The following WDR47 variants were observed in gnomAD, a reference collection of about 807,000 sequenced individuals.
The protein encoded by WDR47 is WD repeat-containing protein 47.
A neutral mutation model predicts 97.2 loss-of-function variants in WDR47; 32 were observed. The observed-to-expected ratio is 0.33, with a 90% CI of 0.25 to 0.44. The LOEUF (loss-of-function observed/expected upper bound fraction) is 0.44. Among genes scored for constraint, WDR47 ranks in the 20% least tolerant of loss-of-function variants. The pLI, the probability that WDR47 is intolerant of heterozygous loss-of-function variation, is 1.00. For missense variants in WDR47, 782 were observed against 1,102.3 expected (o/e 0.71, Z 4.11); for synonymous variants, 375 against 373.5 (o/e 1.00, Z -0.05).
At chr1:109,024,449 T>A (rs559229271) in intron 1 of WDR47, among the ~76,000 whole-genome samples, 3 of 151,256 alleles carry the variant, frequency 2.0e-5, no homozygotes, top group Admixed American at 6.6e-5. Flanking sequence ...TTAGACTCCG[T>A]CTCAAAAAAA....
At chr1:108,997,094 C>T (rs1202413051) in intron 7 of WDR47, among the ~76,000 whole-genome samples, 4 of 149,864 alleles carry the variant, frequency 2.7e-5, no homozygotes, top group Non-Finnish European at 4.4e-5. Flanking sequence ...CCAGCCTGGG[C>T]GACAGAGCAA....
intron 5 of WDR47, among the ~76,000 whole-genome samples, chr1:109,006,319 G>A (rs1660614697): frequency 1.3e-5 from 2 of 152,200 alleles, no homozygotes; most frequent in South Asian, 2.1e-4. Context: ...CTTGAACCCG[G>A]GAGGCGGAGG....
intron 14 of WDR47, among the ~76,000 whole-genome samples, chr1:108,972,307 G>A (rs544668190): frequency 1.3e-5 from 2 of 152,028 alleles, no homozygotes; most frequent in South Asian, 4.2e-4. Flanking sequence ...CCTAGTCCAA[G>A]CCACCATCAT....
At position 108,971,590 on chromosome 1, in the gene WDR47, T is replaced by C; in HGVS notation, c.2618-18A>G. ...GAGGTCCCCTAAATTACAAAAGAGATGTTGATTTACAATGCAAAATAAGTA... is the reference window on the plus strand; with the variant it reads ...GAGGTCCCCTAAATTACAAAAGAGACGTTGATTTACAATGCAAAATAAGTA... On this transcript the variant is annotated intron_variant, in intron 14 of 14. Coordinates refer to ENST00000369962, the MANE Select transcript of WDR47 (RefSeq NM_001142551.2). 23 of 1,614,006 alleles carry C rather than the reference T, an allele frequency of 1.4e-5. No individual in the cohort carries two copies. Among genetic ancestry groups the C allele is most frequent in the Non-Finnish European group, 1.9e-5 (23 of 1,179,942 alleles).
rs751180197 is a variant in WDR47 at position 109,023,507 on chromosome 1, C to T, written c.6G>A (p.Thr2=). 3.1e-6 allele frequency: 5 copies of T among 1,611,620 alleles called. No homozygotes were observed. The highest frequency in any genetic ancestry group is 1.7e-4 in the Middle Eastern group (1 of 6,046). M[T]AEETVNVKEV... Reference sequence around the variant, plus strand: ...CTTTTACATTCACTGTTTCTTCAGCCGTCATATTGATAGCCTAAATATGAA... The same window carrying T: ...CTTTTACATTCACTGTTTCTTCAGCTGTCATATTGATAGCCTAAATATGAA... Residue 2 remains threonine (T), a synonymous_variant, in exon 2 of 15, where the codon ACG becomes ACA. Transcript: ENST00000369962.
chr1:108,972,605 T>G (rs1657543989), intron 14 of WDR47, among the ~76,000 whole-genome samples: 1 of 152,172 alleles, frequency 6.6e-6, no homozygotes, highest in Non-Finnish European at 1.5e-5. Context: ...CTCTCAATTT[T>G]GCTGTTAACC....
At position 108,971,196 on chromosome 1, in the gene WDR47, T is replaced by C; in HGVS notation, c.*234A>G. ...CAACTGAAGAGCTCTTCTGCAGACT[T>C]TGGCAACGAGACTACATATAGCAGG... On this transcript the variant is annotated 3_prime_UTR_variant, in exon 15 of 15. Transcript: ENST00000369962. The C allele has an allele frequency of 2.2e-6, 1 of 464,860 alleles. No homozygotes were observed. The highest frequency in any genetic ancestry group is 3.8e-6 in the Non-Finnish European group (1 of 264,224). 28.8% of individuals were successfully genotyped at this position (464,860 alleles called of 1,614,324 possible). A position where few individuals can be genotyped will look rare whatever the true frequency, so the allele number is the denominator to read the frequency against.
chr1:109,018,310 G>C (rs935485020), intron 2 of WDR47, among the ~76,000 whole-genome samples: 1 of 151,530 alleles, frequency 6.6e-6, no homozygotes, highest in Non-Finnish European at 1.5e-5. Flanking sequence ...TTAGCTGGCC[G>C]TGGTGGCGGG....
At chr1:108,984,159 G>A (rs915965074) in intron 10 of WDR47, among the ~76,000 whole-genome samples, 1 of 152,196 alleles carries the variant, frequency 6.6e-6, no homozygotes, top group African/African-American at 2.4e-5. Flanking sequence ...TGTGGTGGGT[G>A]AGGCACTGCA....
intron 12 of WDR47, 106 bp downstream of exon 12, chr1:108,982,503 G>A (rs1658424368): frequency 7.4e-7 from 1 of 1,359,680 alleles, no homozygotes; most frequent in African/African-American, 1.5e-5. Flanking sequence ...CTGCACTCTG[G>A]ACAGTAAGAG....
chr1:108,990,271 C>T (rs764136247), intron 9 of WDR47, among the ~76,000 whole-genome samples: 1 of 151,470 alleles, frequency 6.6e-6, no homozygotes, highest in Non-Finnish European at 1.5e-5. Flanking sequence ...TACAATGGCG[C>T]GATCTTGGCT....
At chr1:108,985,226 T>C (rs1658688471) in intron 10 of WDR47, among the ~76,000 whole-genome samples, 1 of 152,242 alleles carries the variant, frequency 6.6e-6, no homozygotes, top group Non-Finnish European at 1.5e-5. Context: ...ATTTAGTTCA[T>C]GTCTATCTCT....
chr1:109,011,020 T>G lies in WDR47; in HGVS notation c.1026A>C (p.Ser342=). The part of the protein sequence containing the change: ...SDLGNKTSPM[S]HSFANFHYPG... ...GATAATGGAAGTTAGCAAAGGAGTG[T>G]GACATTGGAGAAGTTTTGTTTCCAA... Residue 342 remains serine, a synonymous_variant, in exon 5 of 15, where the codon TCA becomes TCC. Transcript: ENST00000369962. The G allele has an allele frequency of 1.9e-6, 3 of 1,614,164 alleles. No homozygotes were observed. The highest frequency in any genetic ancestry group is 2.5e-6 in the Non-Finnish European group (3 of 1,180,036).
intron 1 of WDR47, among the ~76,000 whole-genome samples, chr1:109,034,217 G>A (rs1662784726): frequency 6.6e-6 from 1 of 152,226 alleles, no homozygotes; most frequent in Non-Finnish European, 1.5e-5. Flanking sequence ...GAACCCAGGA[G>A]GCGGAGGTTG....
chr1:108,991,203 A>G, intron 9 of WDR47, 51 bp downstream of exon 9: 1 of 1,546,268 alleles, frequency 6.5e-7, no homozygotes, highest in East Asian at 2.3e-5. Flanking sequence ...TTCTTAGCAA[A>G]ATTTACAGGT....
chr1:109,020,901 T>TC (rs397723377), intron 2 of WDR47, among the ~76,000 whole-genome samples: 2 of 151,316 alleles, frequency 1.3e-5, no homozygotes, highest in Non-Finnish European at 2.9e-5. Context: ...TTTTTTTTTT[T>TC]CTGAGATGGA....
At chr1:109,025,507 G>A (rs1333858152) in intron 1 of WDR47, among the ~76,000 whole-genome samples, 7 of 151,614 alleles carry the variant, frequency 4.6e-5, no homozygotes, top group South Asian at 2.1e-4. Flanking sequence ...AGGCTGAGAC[G>A]GGTGGATTAT....
chr1:109,033,738 G>A (rs1240375261), intron 1 of WDR47, among the ~76,000 whole-genome samples: 1 of 152,164 alleles, frequency 6.6e-6, no homozygotes, highest in Non-Finnish European at 1.5e-5. Context: ...GGCCAACATG[G>A]TAAAACCCTG....
chr1:108,973,269 ACTCT>A (rs1380207089), intron 14 of WDR47, among the ~76,000 whole-genome samples: 2 of 152,080 alleles, frequency 1.3e-5, no homozygotes, highest in African/African-American at 4.8e-5. Flanking sequence ...ACAGAACAAG[ACTCT>A]GTCTCAAAAT....
Sources: gnomAD v4.1 joint callset for allele counts (sites outside exome capture counted in the v4.1 genomes callset) on GRCh38, gnomAD v4.1.1 for gene constraint, MANE v1.5 for transcripts, NCBI Gene and HGNC (gene_info 2026-07-23, HGNC 2026-07-21) for gene names.